Variants in UACA observed in about 807,000 individuals in gnomAD.
The protein encoded by UACA is uveal autoantigen with coiled-coil domains and ankyrin repeats, also known as nuclear membrane binding protein.
In UACA, 112 loss-of-function variants were observed where a neutral mutation model predicts 160.5. That is an observed-to-expected ratio of 0.70 (90% CI 0.60 to 0.82). UACA has a LOEUF of 0.82. Ranked by LOEUF, UACA falls within the 40% of genes least tolerant of loss-of-function variation. The pLI is 0.00. For missense variants in UACA, 1,574 were observed against 1,614.6 expected (o/e 0.97, Z 0.43); for synonymous variants, 557 against 568.4 (o/e 0.98, Z 0.29).
rs181042686 is a variant in UACA at position 70,745,712 on chromosome 15, T to C, written c.78+17618A>G. 2.0e-5 allele frequency among the ~76,000 whole-genome samples: 3 copies of C among 152,232 alleles called. No individual in the cohort carries two copies. The East Asian group carries it at 5.8e-4, about 29-fold the overall frequency. ...CATCATGCTACCTGACTTCAAACTA[T>C]AATATAAGGCTACAGTAACCAAAAT... On this transcript the variant is annotated intron_variant, in intron 1 of 18. Coordinates refer to ENST00000322954, the MANE Select transcript of UACA (RefSeq NM_018003.4).
chr15:70,774,243 G>C, the UACA span, among the ~76,000 whole-genome samples: 1 of 152,032 alleles, frequency 6.6e-6, no homozygotes, highest in African/African-American at 2.4e-5. Flanking sequence ...CAAACGCTAA[G>C]TTATATCAAT....
chr15:70,773,502 G>C, the UACA span, among the ~76,000 whole-genome samples: 1 of 152,186 alleles, frequency 6.6e-6, no homozygotes, highest in East Asian at 1.9e-4. Flanking sequence ...AAGGACTAAT[G>C]AAACAGAGAA....
chr15:70,691,216 C>T, intron 4 of UACA, 83 bp downstream of exon 4: 1 of 982,454 alleles, frequency 1.0e-6, no homozygotes, highest in South Asian at 1.8e-5. Context: ...TCTCTTTGAT[C>T]TAAAATTCCA....
In UACA at chr15:70,728,422, G is replaced by T. The variant is rs376648218; in HGVS notation, c.79-28762C>A. Among the ~76,000 whole-genome samples the T allele has an allele frequency of 3.0e-4, 45 of 152,038 alleles. 1 individual carries two copies. Among genetic ancestry groups the T allele is most frequent in the African/African-American group, 1.1e-3 (44 of 41,486 alleles). On this transcript the variant is annotated intron_variant, in intron 1 of 18. Transcript: ENST00000322954. Reference sequence around the variant, plus strand: ...CTACTAAAAATACAAAATTAGCCAGGCGTGGTGGTGCATGCCTGTAACCCC... The same window carrying T: ...CTACTAAAAATACAAAATTAGCCAGTCGTGGTGGTGCATGCCTGTAACCCC...
At position 70,676,585 on chromosome 15, in the gene UACA, T is replaced by C. The variant is rs867191492; in HGVS notation, c.1039A>G (p.Lys347Glu). The C allele has an allele frequency of 1.2e-6, 2 of 1,611,726 alleles. No homozygotes were observed. The change falls in exon 13 of 19, where the codon AAG becomes GAG. Residue 347 changes from lysine (K) to glutamate (E), a missense_variant. Transcript: ENST00000322954. Reference sequence around the variant, plus strand: ...TTAGCTGCCAAAAGGGACTTCAGCTTTTCTCTCTGAAATGAAACAGAATAA... The same window carrying C: ...TTAGCTGCCAAAAGGGACTTCAGCTCTTCTCTCTGAAATGAAACAGAATAA... ...VADDLESERE[K>E]LKSLLAAKEK...
intron 1 of UACA, among the ~76,000 whole-genome samples, chr15:70,724,308 G>A (rs1344635719): frequency 6.6e-6 from 1 of 152,050 alleles, no homozygotes; most frequent in East Asian, 1.9e-4. Context: ...TTTCTTCTCA[G>A]GCTATCTAGT....
intron 6 of UACA, 22 bp from the exon 7 acceptor site, chr15:70,687,668 A>G (rs1465614615): frequency 6.2e-7 from 1 of 1,613,646 alleles, no homozygotes; most frequent in Admixed American, 1.7e-5. Context: ...GAAAAATAAA[A>G]CAGCATTAAG....
At chr15:70,683,293 A>G (rs775903983) in intron 8 of UACA, among the ~76,000 whole-genome samples, 52 of 152,120 alleles carry the variant, frequency 3.4e-4, no homozygotes, top group Middle Eastern at 3.2e-3. Context: ...CAGGAGTTTG[A>G]GATTGCAGTG....
chr15:70,723,232 C>T (rs1278912527), intron 1 of UACA, among the ~76,000 whole-genome samples: 1 of 152,236 alleles, frequency 6.6e-6, no homozygotes, highest in East Asian at 1.9e-4. Context: ...CAGCGGCTCA[C>T]GCCTGTAATC....
At chr15:70,763,900 C>G (rs939366311), upstream of UACA, among the ~76,000 whole-genome samples, 16 of 152,200 alleles carry the variant, frequency 1.1e-4, no homozygotes, top group African/African-American at 3.9e-4. Context: ...CGCTCTTTAC[C>G]AAGTAAAGTT....
the UACA span, among the ~76,000 whole-genome samples, chr15:70,776,800 A>AT: frequency 0.18 from 27,465 of 151,650 alleles, 3,782 homozygotes; most frequent in African/African-American, 0.39. Flanking sequence ...GAGTCCCCTA[A>AT]TTTTTTTTCC....
upstream of UACA, among the ~76,000 whole-genome samples, chr15:70,764,480 G>A (rs916778929): frequency 2.0e-5 from 3 of 152,110 alleles, no homozygotes; most frequent in Admixed American, 2.0e-4. Context: ...AGTCTTCTTT[G>A]GAGTCATTTT....
chr15:70,762,580 C>T (rs1003578477), intron 1 of UACA, among the ~76,000 whole-genome samples: 3 of 152,234 alleles, frequency 2.0e-5, no homozygotes, highest in Non-Finnish European at 4.4e-5. Flanking sequence ...TTGGCGCGCA[C>T]ACTGAGGCCG....
intron 16 of UACA, among the ~76,000 whole-genome samples, chr15:70,666,111 C>A (rs1896894718): frequency 1.3e-5 from 2 of 152,134 alleles, no homozygotes; most frequent in African/African-American, 4.8e-5. Context: ...ATGGCAAAGC[C>A]ACAGTAAAAC....
At chr15:70,765,812 A>C (rs548674132), upstream of UACA, among the ~76,000 whole-genome samples, 185 of 152,336 alleles carry the variant, frequency 1.2e-3, 2 homozygotes, top group South Asian at 0.015. Context: ...TGTCTCAATC[A>C]ACTCCTTTCT....
intron 10 of UACA, 136 bp from the exon 11 acceptor site, chr15:70,678,342 T>G: frequency 1.9e-6 from 1 of 521,906 alleles, no homozygotes; most frequent in African/African-American, 1.9e-5. Context: ...ATACAATAAT[T>G]TCAATGATAT....
chr15:70,690,155 CCT>C (rs745886307), intron 5 of UACA, among the ~76,000 whole-genome samples: 35 of 149,452 alleles, frequency 2.3e-4, no homozygotes, highest in Non-Finnish European at 2.2e-4. Context: ...TCTCTGTTTC[CCT>C]CTCTCTCTCT....
At chr15:70,771,949 G>C in the UACA span, among the ~76,000 whole-genome samples, 1 of 152,210 alleles carries the variant, frequency 6.6e-6, no homozygotes, top group Non-Finnish European at 1.5e-5. Flanking sequence ...GCTGGGGCCA[G>C]CACAAAGAGG....
rs866768669 is a variant in UACA, at chr15:70,690,050, G to C, written c.424+404C>G. On this transcript the variant is annotated intron_variant, in intron 5 of 18. Transcript: ENST00000322954. ...TTGCAAATGAGAAAAAAGAGGTTCA[G>C]ACATGTTAATTAGGTAAACATAGTT... is the stretch of plus-strand genomic sequence containing the variant. Among the ~76,000 whole-genome samples, 5 of 152,180 alleles carry C rather than the reference G, an allele frequency of 3.3e-5. No individual in the cohort carries two copies. In the South Asian group the frequency reaches 1.0e-3, roughly 32 times the overall value.
Sources: gnomAD v4.1 joint callset for allele counts (sites outside exome capture counted in the v4.1 genomes callset) on GRCh38, gnomAD v4.1.1 for gene constraint, MANE v1.5 for transcripts, NCBI Gene and HGNC (gene_info 2026-07-23, HGNC 2026-07-21) for gene names.